TRIM32: variants seen among roughly 807,000 people sequenced by gnomAD.
TRIM32 encodes E3 ubiquitin-protein ligase TRIM32.
Under a neutral mutation model 36.0 loss-of-function variants are expected in TRIM32, and 19 were observed. That is an observed-to-expected ratio of 0.53 (90% CI 0.37 to 0.77). The LOEUF is 0.77. TRIM32 is among the 30% of genes least tolerant of loss of function. The pLI, the probability that TRIM32 is intolerant of heterozygous loss-of-function variation, is 0.00. For missense variants in TRIM32, 747 were observed against 845.2 expected (o/e 0.88, Z 1.44); for synonymous variants, 309 against 318.5 (o/e 0.97, Z 0.32).
chr9:116,688,061 G>A lies in TRIM32; in HGVS notation c.-82+680G>A, dbSNP rs528520101. ...GCACAGTGCCCGATGGAATGCAGGA[G>A]ATGGGGGCTCAGATTGAGGGAGAGC... is the stretch of plus-strand genomic sequence containing the variant. On this transcript the variant is annotated intron_variant, in intron 1 of 1. Transcript: ENST00000450136. Among the ~76,000 whole-genome samples, 76 of 152,196 alleles carry A rather than the reference G, an allele frequency of 5.0e-4. 3 individuals carry two copies. In the South Asian group the frequency reaches 0.015, roughly 30 times the overall value.
intron 1 of TRIM32, among the ~76,000 whole-genome samples, chr9:116,691,494 C>G (rs1860564098): frequency 6.6e-6 from 1 of 152,196 alleles, no homozygotes; most frequent in Admixed American, 6.5e-5. Flanking sequence ...ATTCATTTAG[C>G]CTGCCCTTGA....
intron 1 of TRIM32, among the ~76,000 whole-genome samples, chr9:116,696,874 TA>T (rs1022947526): frequency 6.7e-6 from 1 of 149,938 alleles, no homozygotes. Flanking sequence ...CACCTAAAAC[TA>T]ATCATCACAA....
intron 1 of TRIM32, among the ~76,000 whole-genome samples, chr9:116,689,607 C>T (rs1860461282): frequency 6.6e-6 from 1 of 152,202 alleles, no homozygotes; most frequent in South Asian, 2.1e-4. Context: ...GCTTTCCTTG[C>T]TTCTTCCTTG....
chr9:116,699,311 T>C lies in TRIM32; in HGVS notation c.1569T>C (p.Ala523=), dbSNP rs1861055085. 2 of 1,614,102 alleles carry C rather than the reference T, an allele frequency of 1.2e-6. No homozygotes were observed. Among genetic ancestry groups the C allele is most frequent in the African/African-American group, 1.3e-5 (1 of 74,940 alleles). Reference sequence around the variant, plus strand: ...GGCCCAAATTTGTCACCTGTGATGCTGAGGGCACCGTCTACTTCACCCAGG... The same window carrying C: ...GGCCCAAATTTGTCACCTGTGATGCCGAGGGCACCGTCTACTTCACCCAGG... ...AVRPKFVTCD[A]EGTVYFTQGL... is the part of the protein sequence containing the mutation. Residue 523 remains alanine (A), a synonymous_variant, in exon 2 of 2, where the codon GCT becomes GCC. Coordinates refer to ENST00000450136, the MANE Select transcript of TRIM32 (RefSeq NM_012210.4). The surrounding 1 kb of genome is among the most constrained non-coding windows in gnomAD (Gnocchi z 4.2).
rs781333763 is a variant in TRIM32 at position 116,698,523 on chromosome 9, G to C, written c.781G>C (p.Glu261Gln). 1 of 1,613,778 alleles carries C rather than the reference G, an allele frequency of 6.2e-7. No homozygotes were observed. The highest frequency in any genetic ancestry group is 1.7e-5 in the Admixed American group (1 of 60,014). ...ACTACTGGAGGAGACAGCTGATGAGGAGGAGCCAGAGCTCACTGCCAGCTT... is the reference window on the plus strand; with the variant it reads ...ACTACTGGAGGAGACAGCTGATGAGCAGGAGCCAGAGCTCACTGCCAGCTT... ...VALLEETADE[E>Q]EPELTASLPR... The change falls in exon 2 of 2, where the codon GAG (glutamate) becomes CAG (glutamine). Residue 261 changes from glutamate (E) to glutamine (Q), a missense_variant. By Grantham distance (29) the Glu-to-Gln change is conservative. Coordinates refer to ENST00000450136, the MANE Select transcript of TRIM32 (RefSeq NM_012210.4). This position sits in a 1 kb window ranked among gnomAD's most constrained non-coding sequence, Gnocchi z 4.4.
chr9:116,698,683 C>G lies in TRIM32; in HGVS notation c.941C>G (p.Ser314Cys), dbSNP rs781563722. 1 of 1,614,180 alleles carries G rather than the reference C, an allele frequency of 6.2e-7. No individual in the cohort carries two copies. Among genetic ancestry groups the G allele is most frequent in the Non-Finnish European group, 8.5e-7 (1 of 1,180,038 alleles). ...TCCTGGGCCATGGAGGCCACAGCGT[C>G]TGCTGCCTCTACCTCTGTTACTTTT... ...EDSWAMEATASAASTSVTFRE... is the reference protein window; with the variant it reads ...EDSWAMEATACAASTSVTFRE... Residue 314 changes from serine (S) to cysteine (C), a missense_variant, in exon 2 of 2, where the codon TCT (serine) becomes TGT (cysteine). Ser to Cys is a moderately radical substitution (Grantham distance 112). Coordinates refer to ENST00000450136, the MANE Select transcript of TRIM32 (RefSeq NM_012210.4). This position sits in a 1 kb window ranked among gnomAD's most constrained non-coding sequence, Gnocchi z 4.4.
Sources: gnomAD v4.1 joint callset for allele counts (sites outside exome capture counted in the v4.1 genomes callset) on GRCh38, gnomAD v4.1.1 for gene constraint, Gnocchi (gnomAD v3.1) non-coding constraint, MANE v1.5 for transcripts, NCBI Gene and HGNC (gene_info 2026-07-23, HGNC 2026-07-21) for gene names.